The following GABARAPL2 variants were observed in gnomAD, a reference collection of about 807,000 sequenced individuals.
GABARAPL2 encodes gamma-aminobutyric acid receptor-associated protein-like 2.
A neutral mutation model predicts 16.9 loss-of-function variants in GABARAPL2; 11 were observed. That is an observed-to-expected ratio of 0.65 (90% confidence interval 0.41 to 1.08). The LOEUF is 1.08. Ranked by LOEUF, GABARAPL2 falls within the 50% of genes least tolerant of loss-of-function variation. The probability of loss-of-function intolerance (pLI) is 0.00; values close to 1 mark genes in which losing one functional copy is unlikely to be tolerated. For synonymous variants in GABARAPL2, 57 were observed against 50.7 expected, an observed-to-expected ratio of 1.12 and a Z score of -0.53; for missense variants, 134 against 142.5, an observed-to-expected ratio of 0.94 and a Z score of 0.30.
intron 3 of GABARAPL2, chr16:75,568,496 C>T (rs2080896898): frequency 8.4e-6 from 2 of 237,968 alleles, no homozygotes; most frequent in East Asian, 8.4e-5. Flanking sequence ...TAGTCTTAAG[C>T]TATAGGTAGA....
At chr16:75,568,284 G>A (rs1335899658) in intron 3 of GABARAPL2, 75 bp downstream of exon 3, 1 of 1,102,496 alleles carries the variant, frequency 9.1e-7, no homozygotes, top group African/African-American at 1.6e-5. Context: ...CAAAACTTTG[G>A]AAGTCTGAAA....
rs1236948788 is a variant in GABARAPL2 at position 75,566,423 on chromosome 16, T to A, written c.-64T>A. ...GCTGCCGCTGCCGCCGTCGTTGTTG[T>A]TGTGCTCGGTGCGCTGAGCTCCGCG... On this transcript the variant is annotated 5_prime_UTR_variant, in exon 1 of 4. The change creates a new upstream start codon in the 5' untranslated region. Coordinates refer to ENST00000037243, the MANE Select transcript of GABARAPL2 (RefSeq NM_007285.7). 1.6e-6 allele frequency: 2 copies of A among 1,263,328 alleles called. No homozygotes were observed. The highest frequency in any genetic ancestry group is 2.3e-6 in the Non-Finnish European group (2 of 878,046). 78.3% of individuals were successfully genotyped at this position (1,263,328 alleles called of 1,614,324 possible). A position where few individuals can be genotyped will look rare whatever the true frequency, so the allele number is the denominator to read the frequency against.
intron 3 of GABARAPL2, among the ~76,000 whole-genome samples, chr16:75,569,066 C>A (rs746822804): frequency 6.6e-6 from 1 of 152,190 alleles, no homozygotes; most frequent in Non-Finnish European, 1.5e-5. Context: ...AGTAATACTT[C>A]TAAAAGTGAA....
At chr16:75,577,184 C>T (rs777880366) in intron 3 of GABARAPL2, 95 bp from the exon 4 acceptor site, 3 of 773,850 alleles carry the variant, frequency 3.9e-6, no homozygotes, top group African/African-American at 1.7e-5. Context: ...GTACTGACAC[C>T]TGAAGTCTTA....
intron 3 of GABARAPL2, among the ~76,000 whole-genome samples, chr16:75,569,298 C>T (rs562921065): frequency 6.6e-6 from 1 of 152,320 alleles, no homozygotes; most frequent in African/African-American, 2.4e-5. Context: ...GAAGCTCCTT[C>T]CCTAAGGCCA....
rs2080957210 is a variant in GABARAPL2 at position 75,577,522 on chromosome 16, T to G, written c.*153T>G. ...TAATATATTGGAAGGTTTTGTTTCC[T>G]TAGACTAGTAAATTATCATACAGAG... is the stretch of plus-strand genomic sequence containing the variant. On this transcript the variant is annotated 3_prime_UTR_variant, in exon 4 of 4. Transcript: ENST00000037243. 3 of 586,340 alleles carry G rather than the reference T, an allele frequency of 5.1e-6. No individual in the cohort carries two copies. In the South Asian group the frequency reaches 6.7e-5, roughly 13 times the overall value. The allele number at this position is 586,340 out of a possible 1,614,324, so 36.3% of individuals were successfully genotyped here. A position where few individuals can be genotyped will look rare whatever the true frequency, so the allele number is the denominator to read the frequency against.
rs995701922 is a variant in GABARAPL2 at position 75,577,798 on chromosome 16, A to G, written c.*429A>G. The G allele has an allele frequency of 1.2e-5, 2 of 161,588 alleles. No individual in the cohort carries two copies. Among genetic ancestry groups the G allele is most frequent in the Admixed American group, 6.0e-5 (1 of 16,730 alleles). The allele number at this position is 161,588 out of a possible 1,614,324, so 10.0% of individuals were successfully genotyped here. On this transcript the variant is annotated 3_prime_UTR_variant, in exon 4 of 4. Transcript: ENST00000037243. Reference sequence around the variant, plus strand: ...CTTCACTAGAATATGCCAACTGCCAATCATGTTGGACTGAGCTAATTTGTT... The same window carrying G: ...CTTCACTAGAATATGCCAACTGCCAGTCATGTTGGACTGAGCTAATTTGTT...
At chr16:75,569,727 G>A (rs185699944) in intron 3 of GABARAPL2, among the ~76,000 whole-genome samples, 18 of 152,250 alleles carry the variant, frequency 1.2e-4, no homozygotes, top group Non-Finnish European at 2.4e-4. Flanking sequence ...TACTCAGATG[G>A]CTCCACAGTA....
chr16:75,569,104 C>T (rs901852302), intron 3 of GABARAPL2, among the ~76,000 whole-genome samples: 4 of 152,216 alleles, frequency 2.6e-5, no homozygotes, highest in African/African-American at 9.6e-5. Context: ...GGAACTAGCC[C>T]AATGTTGTCC....
rs2080953424 is a variant in GABARAPL2, at chr16:75,576,990, T to C, written c.264-289T>C. ...TCTTCATTTTGCTTAGTTTCTTCCC[T>C]TGTCCTTGGCATTTAAGAGGCATCC... On this transcript the variant is annotated intron_variant, in intron 3 of 3. Coordinates refer to ENST00000037243, the MANE Select transcript of GABARAPL2 (RefSeq NM_007285.7). 3 of 297,586 alleles carry C rather than the reference T, an allele frequency of 1.0e-5. No individual in the cohort carries two copies. In the East Asian group the frequency reaches 2.2e-4, roughly 21 times the overall value. The allele number at this position is 297,586 out of a possible 1,614,324, so 18.4% of individuals were successfully genotyped here. A position where few individuals can be genotyped will look rare whatever the true frequency, so the allele number is the denominator to read the frequency against.
rs2080896220 is a variant in GABARAPL2 at position 75,568,362 on chromosome 16, A to G, written c.263+153A>G. On this transcript the variant is annotated intron_variant, in intron 3 of 3. Coordinates refer to ENST00000037243, the MANE Select transcript of GABARAPL2 (RefSeq NM_007285.7). ...TGACATCAGGGGCTCCAGGAAAATA[A>G]TGGCTGCAATACATAAGAGTGCATT... 7 of 563,512 alleles carry G rather than the reference A, an allele frequency of 1.2e-5. No homozygotes were observed. The South Asian group carries it at 1.8e-4, about 15-fold the overall frequency. The allele number at this position is 563,512 out of a possible 1,614,324, so 34.9% of individuals were successfully genotyped here.
chr16:75,577,559 G>GT lies in GABARAPL2; in HGVS notation c.*195dup. 1.9e-6 allele frequency: 1 copy of GT among 516,822 alleles called. No homozygotes were observed. Among genetic ancestry groups the GT allele is most frequent in the Middle Eastern group, 5.3e-4 (1 of 1,898 alleles). The allele number at this position is 516,822 out of a possible 1,614,324, so 32.0% of individuals were successfully genotyped here. On this transcript the variant is annotated 3_prime_UTR_variant, in exon 4 of 4. Transcript: ENST00000037243. ...ATTATCATACAGAGTTTTATTTTGA[G>GT]TTTTTCTTTTTGTGCATTGTCCTCA...
rs544798951 is a variant in GABARAPL2, at chr16:75,576,462, A to G, written c.264-817A>G. The stretch of plus-strand genomic sequence containing the variant: ...CTGTTGTGACTTACCTATCTGGGCT[A>G]GTGACCTCAGATGTCTCAGACTGAG... On this transcript the variant is annotated intron_variant, in intron 3 of 3. Coordinates refer to ENST00000037243, the MANE Select transcript of GABARAPL2 (RefSeq NM_007285.7). The G allele has an allele frequency of 2.0e-5, 3 of 152,356 alleles. No homozygotes were observed. In the South Asian group the frequency reaches 6.2e-4, roughly 32 times the overall value. The allele number at this position is 152,356 out of a possible 1,614,324, so 9.4% of individuals were successfully genotyped here.
intron 3 of GABARAPL2, 93 bp downstream of exon 3, chr16:75,568,302 G>C: frequency 1.2e-6 from 1 of 846,328 alleles, no homozygotes; most frequent in Non-Finnish European, 1.9e-6. Flanking sequence ...AAAACTCTTA[G>C]GGGTCCTGAC....
chr16:75,570,076 T>A (rs1002005469), intron 3 of GABARAPL2, among the ~76,000 whole-genome samples: 1 of 152,088 alleles, frequency 6.6e-6, no homozygotes, highest in Non-Finnish European at 1.5e-5. Flanking sequence ...TGCAACTGTT[T>A]ATTTTGGGGT....
At chr16:75,576,933 C>CCTTT (rs1169935388) in intron 3 of GABARAPL2, 1 of 202,428 alleles carries the variant, frequency 4.9e-6, no homozygotes, top group Non-Finnish European at 1.0e-5. Flanking sequence ...TTGCTAGGGT[C>CCTTT]CTTTACCCAC....
chr16:75,566,875 A>G lies in GABARAPL2; in HGVS notation c.58A>G (p.Lys20Glu), dbSNP rs751535250. 1.2e-6 allele frequency: 2 copies of G among 1,613,606 alleles called. No individual in the cohort carries two copies. The highest frequency in any genetic ancestry group is 2.2e-5 in the South Asian group (2 of 91,084). ...AGAACACAGATGCGTGGAGTCCGCG[A>G]AGATTCGAGCGAAATATCCCGACAG... ...SLEHRCVESA[K>E]IRAKYPDRVP... Residue 20 changes from lysine (K) to glutamate (E), a missense_variant, in exon 2 of 4, where the codon AAG (lysine) becomes GAG (glutamate). Lys to Glu is a moderately conservative substitution (Grantham distance 56, BLOSUM62 1). Coordinates refer to ENST00000037243, the MANE Select transcript of GABARAPL2 (RefSeq NM_007285.7).
intron 3 of GABARAPL2, chr16:75,572,273 A>T (rs914560712): frequency 6.6e-6 from 1 of 152,256 alleles, no homozygotes; most frequent in Admixed American, 6.5e-5. Flanking sequence ...CAGGATTGAC[A>T]GTAGTGGTCA....
In GABARAPL2 at chr16:75,566,396, C is replaced by T. The variant is rs1280968491; in HGVS notation, c.-91C>T. 44 of 973,180 alleles carry T rather than the reference C, an allele frequency of 4.5e-5. No individual in the cohort carries two copies. The highest frequency in any genetic ancestry group is 5.7e-5 in the Non-Finnish European group (36 of 631,658). The allele number at this position is 973,180 out of a possible 1,614,324, so 60.3% of individuals were successfully genotyped here. A position where few individuals can be genotyped will look rare whatever the true frequency, so the allele number is the denominator to read the frequency against. On this transcript the variant is annotated 5_prime_UTR_variant, in exon 1 of 4. Transcript: ENST00000037243. Reference sequence around the variant, plus strand: ...TGCCGTGTAGTCGCCGCCGTCGCTGCCGCTGCCGCTGCCGCCGTCGTTGTT... The same window carrying T: ...TGCCGTGTAGTCGCCGCCGTCGCTGTCGCTGCCGCTGCCGCCGTCGTTGTT...
Sources: gnomAD v4.1 joint callset for allele counts (sites outside exome capture counted in the v4.1 genomes callset) on GRCh38, gnomAD v4.1.1 for gene constraint, MANE v1.5 for transcripts, NCBI Gene and HGNC (gene_info 2026-07-23, HGNC 2026-07-21) for gene names.